BNC2: variants seen among roughly 807,000 people sequenced by gnomAD.
The protein encoded by BNC2 is zinc finger protein basonuclin-2.
BNC2 carries 20 observed loss-of-function variants against 76.3 expected under a neutral mutation model. The ratio of observed to expected loss-of-function variants is 0.26; its 90% CI spans 0.18 to 0.38. The LOEUF is 0.38. BNC2 is among the 10% of genes least tolerant of loss of function. BNC2 has a pLI of 1.00. For synonymous variants in BNC2, 582 were observed against 514.8 expected, an observed-to-expected ratio of 1.13 and a Z score of -1.77; for missense variants, 1,382 against 1,399.8, an observed-to-expected ratio of 0.99 and a Z score of 0.20.
intron 3 of BNC2, among the ~76,000 whole-genome samples, chr9:16,611,204 T>A (rs563013383): frequency 6.6e-6 from 1 of 152,320 alleles, no homozygotes; most frequent in East Asian, 1.9e-4. Context: ...ATATATTTGT[T>A]ACAACACAAA....
chr9:16,470,966 C>G (rs1305960725), intron 5 of BNC2, among the ~76,000 whole-genome samples: 1 of 152,166 alleles, frequency 6.6e-6, no homozygotes, highest in Non-Finnish European at 1.5e-5. Flanking sequence ...CCACCGACAA[C>G]TTGTACTATG....
At chr9:16,805,948 T>C (rs917657589) in intron 1 of BNC2, among the ~76,000 whole-genome samples, 1 of 152,164 alleles carries the variant, frequency 6.6e-6, no homozygotes, top group African/African-American at 2.4e-5. Context: ...TTGATTCTAA[T>C]GTGAAATAGT....
At chr9:16,631,992 G>A (rs1195225356) in intron 3 of BNC2, among the ~76,000 whole-genome samples, 1 of 152,158 alleles carries the variant, frequency 6.6e-6, no homozygotes, top group Non-Finnish European at 1.5e-5. Flanking sequence ...GTGTTGCTGG[G>A]GCAATAAGGC....
chr9:16,420,314 A>C (rs1820684165), intron 6 of BNC2, among the ~76,000 whole-genome samples: 1 of 152,190 alleles, frequency 6.6e-6, no homozygotes, highest in African/African-American at 2.4e-5. Flanking sequence ...CTTTTCTCAG[A>C]ATGATTTGGG....
chr9:16,789,400 C>T (rs1441893670), intron 1 of BNC2, among the ~76,000 whole-genome samples: 1 of 152,000 alleles, frequency 6.6e-6, no homozygotes, highest in East Asian at 1.9e-4. Flanking sequence ...TAGGGGAAAA[C>T]CCTATAGACC....
chr9:16,573,859 A>G (rs1819405720), intron 4 of BNC2, among the ~76,000 whole-genome samples: 1 of 152,222 alleles, frequency 6.6e-6, no homozygotes. Context: ...ATATATAAAC[A>G]TCTACAAAGG....
At chr9:16,592,123 C>G (rs1048991181) in intron 3 of BNC2, among the ~76,000 whole-genome samples, 6 of 151,436 alleles carry the variant, frequency 4.0e-5, no homozygotes, top group Admixed American at 6.6e-5. Context: ...CCCCTCCCCC[C>G]AAAAAAAACC....
chr9:16,658,760 C>T (rs1822008295), intron 3 of BNC2, among the ~76,000 whole-genome samples: 1 of 152,294 alleles, frequency 6.6e-6, no homozygotes, highest in African/African-American at 2.4e-5. Flanking sequence ...CCAGAACAGA[C>T]AATCCAGCTA....
At chr9:16,847,287 G>C (rs1011120105) in intron 1 of BNC2, among the ~76,000 whole-genome samples, 2 of 151,760 alleles carry the variant, frequency 1.3e-5, no homozygotes, top group African/African-American at 4.8e-5. Flanking sequence ...AAAGGTTATG[G>C]AGTGTGTGCG....
chr9:16,846,156 AT>A (rs1818979324), intron 1 of BNC2, among the ~76,000 whole-genome samples: 1 of 148,242 alleles, frequency 6.7e-6, no homozygotes, highest in African/African-American at 2.5e-5. Context: ...AAAAAAAAAA[AT>A]TAATTTAGTA....
intron 5 of BNC2, among the ~76,000 whole-genome samples, chr9:16,502,102 C>T (rs1442441033): frequency 6.6e-6 from 1 of 152,044 alleles, no homozygotes; most frequent in Non-Finnish European, 1.5e-5. Flanking sequence ...GTGGTTTATG[C>T]CTGTAATCCT....
intron 1 of BNC2, among the ~76,000 whole-genome samples, chr9:16,751,787 T>C (rs1291362169): frequency 2.6e-5 from 4 of 151,984 alleles, no homozygotes; most frequent in Non-Finnish European, 5.9e-5. Flanking sequence ...TCTCAGCACT[T>C]TGGAGGCCGA....
intron 3 of BNC2, among the ~76,000 whole-genome samples, chr9:16,644,589 T>C (rs1003489170): frequency 2.0e-5 from 3 of 152,190 alleles, no homozygotes; most frequent in African/African-American, 7.2e-5. Context: ...AGCTTATGTA[T>C]TGTGTTTATA....
At chr9:16,568,499 A>G (rs369444772) in intron 4 of BNC2, among the ~76,000 whole-genome samples, 30 of 152,228 alleles carry the variant, frequency 2.0e-4, no homozygotes, top group African/African-American at 7.2e-4. Flanking sequence ...ATATAATGAT[A>G]TGTCATTTCA....
intron 3 of BNC2, among the ~76,000 whole-genome samples, chr9:16,643,774 A>G (rs34007653): frequency 0.016 from 2,438 of 152,282 alleles, 52 homozygotes; most frequent in Non-Finnish European, 0.019. Flanking sequence ...TGGGACAAAT[A>G]CATGGCTCTT....
chr9:16,715,176 G>C (rs1297621743), intron 3 of BNC2, among the ~76,000 whole-genome samples: 1 of 151,822 alleles, frequency 6.6e-6, no homozygotes, highest in Non-Finnish European at 1.5e-5. Context: ...ACAAATCATG[G>C]GATTATTTTC....
chr9:16,722,517 G>T (rs1385122209), intron 3 of BNC2, among the ~76,000 whole-genome samples: 1 of 152,100 alleles, frequency 6.6e-6, no homozygotes. Flanking sequence ...ACCTTAGAGG[G>T]ATTTATTTTT....
At chr9:16,822,490 T>C (rs187226379) in intron 1 of BNC2, among the ~76,000 whole-genome samples, 53 of 152,162 alleles carry the variant, frequency 3.5e-4, no homozygotes, top group African/African-American at 1.3e-3. Context: ...CCATCTAGAG[T>C]GAACTAGTTA....
At chr9:16,846,486 C>A (rs967293217) in intron 1 of BNC2, among the ~76,000 whole-genome samples, 3 of 152,224 alleles carry the variant, frequency 2.0e-5, no homozygotes, top group Non-Finnish European at 4.4e-5. Context: ...CAACACAGCA[C>A]AGCGCTAAAT....
Sources: allele counts gnomAD v4.1 joint callset (sites outside exome capture counted in the v4.1 genomes callset), GRCh38; gene constraint gnomAD v4.1.1; transcripts MANE v1.5; gene names NCBI Gene and HGNC (gene_info 2026-07-23, HGNC 2026-07-21).